PAK5: variants seen among roughly 807,000 people sequenced by gnomAD.
PAK5 encodes serine/threonine-protein kinase PAK 5.
A neutral mutation model predicts 65.9 loss-of-function variants in PAK5; 16 were observed. The observed-to-expected ratio is 0.24, with a 90% CI of 0.16 to 0.37. The LOEUF (loss-of-function observed/expected upper bound fraction) is 0.37. Among genes scored for constraint, PAK5 ranks in the 10% least tolerant of loss-of-function variants. The probability of loss-of-function intolerance (pLI) is 1.00; values close to 1 mark genes in which losing one functional copy is unlikely to be tolerated. For synonymous variants in PAK5, 371 were observed against 354.9 expected (o/e 1.05, Z -0.51); for missense variants, 785 against 903.9 (o/e 0.87, Z 1.69).
At chr20:9,701,161 C>T (rs967100463) in intron 2 of PAK5, among the ~76,000 whole-genome samples, 2 of 152,156 alleles carry the variant, frequency 1.3e-5, no homozygotes, top group Admixed American at 1.3e-4. Context: ...CAAAGTCATT[C>T]ACATTTCTCT....
intron 7 of PAK5, among the ~76,000 whole-genome samples, chr20:9,547,272 G>C (rs994411396): frequency 7.9e-5 from 12 of 152,078 alleles, no homozygotes; most frequent in Admixed American, 1.3e-4. Flanking sequence ...TCTTGATTTT[G>C]GACCTCTGGA....
intron 3 of PAK5, among the ~76,000 whole-genome samples, chr20:9,640,432 G>T (rs938910616): frequency 6.6e-6 from 1 of 152,008 alleles, no homozygotes; most frequent in Non-Finnish European, 1.5e-5. Context: ...TGGTATATAT[G>T]TGCAACATTT....
chr20:9,770,067 A>G (rs1394233578), intron 1 of PAK5, among the ~76,000 whole-genome samples: 2 of 152,160 alleles, frequency 1.3e-5, no homozygotes, highest in African/African-American at 2.4e-5. Context: ...TGGGGAAAAA[A>G]TAGAGCTTAT....
In PAK5 at chr20:9,803,034, T is replaced by C. The variant is rs913359930; in HGVS notation, c.-162+35728A>G. On this transcript the variant is annotated intron_variant, in intron 1 of 9. Coordinates refer to ENST00000353224, the MANE Select transcript of PAK5 (RefSeq NM_177990.4). ...GCTAAGTACAGAGCCACTAAGGTGCTGCACTAAAAATATTTCAAGTCAGAA... is the reference window on the plus strand; with the variant it reads ...GCTAAGTACAGAGCCACTAAGGTGCCGCACTAAAAATATTTCAAGTCAGAA... 6.7e-5 allele frequency among the ~76,000 whole-genome samples: 10 copies of C among 150,046 alleles called. No homozygotes were observed. The East Asian group carries it at 1.6e-3, about 23-fold the overall frequency.
Position 9,667,511 on chromosome 20 carries a change from AC to A in PAK5, c.-11-23173del, listed in dbSNP as rs1487853122. On this transcript the variant is annotated intron_variant, in intron 2 of 9. Transcript: ENST00000353224. ...CAGTCAACAGTCCCAGCTGAACCCA[AC>A]CCTTCATCTGTTCCCACCAAGGTCT... 2.6e-5 allele frequency among the ~76,000 whole-genome samples: 4 copies of A among 151,326 alleles called. 1 individual carries two copies. The highest frequency in any genetic ancestry group is 2.6e-4 in the Admixed American group (4 of 15,204).
At chr20:9,644,016 TA>T (rs1165404824) in intron 3 of PAK5, 108 bp downstream of exon 3, 25 of 769,100 alleles carry the variant, frequency 3.3e-5, no homozygotes, top group Non-Finnish European at 5.1e-5. Flanking sequence ...CTGTGAATGT[TA>T]AAAAATATGT....
At chr20:9,687,932 G>A (rs548798666) in intron 2 of PAK5, among the ~76,000 whole-genome samples, 1 of 151,962 alleles carries the variant, frequency 6.6e-6, no homozygotes, top group South Asian at 2.1e-4. Context: ...GTGCATCTGT[G>A]TGTATGTGTG....
chr20:9,690,750 CTT>C (rs112955560), intron 2 of PAK5, among the ~76,000 whole-genome samples: 13,153 of 103,496 alleles, frequency 0.13, 641 homozygotes, highest in African/African-American at 0.21. Flanking sequence ...TTCTTTCTTT[CTT>C]TTTTTTTTTT....
At chr20:9,547,958 G>T (rs1004283399) in intron 7 of PAK5, among the ~76,000 whole-genome samples, 1 of 152,160 alleles carries the variant, frequency 6.6e-6, no homozygotes, top group African/African-American at 2.4e-5. Flanking sequence ...GGATAAGGGG[G>T]CATTTGTTTG....
intron 1 of PAK5, among the ~76,000 whole-genome samples, chr20:9,779,062 G>A (rs1333696038): frequency 6.6e-6 from 1 of 151,914 alleles, no homozygotes; most frequent in Non-Finnish European, 1.5e-5. Flanking sequence ...TTCATGAAAT[G>A]AACAGTGCCT....
intron 1 of PAK5, among the ~76,000 whole-genome samples, chr20:9,728,276 CCA>C (rs1011211555): frequency 4.6e-5 from 7 of 152,026 alleles, no homozygotes; most frequent in African/African-American, 1.7e-4. Context: ...CTTGGATTTC[CCA>C]GACTCCAGAA....
At chr20:9,707,330 A>C (rs191870294) in intron 2 of PAK5, among the ~76,000 whole-genome samples, 1 of 152,098 alleles carries the variant, frequency 6.6e-6, no homozygotes, top group African/African-American at 2.4e-5. Flanking sequence ...GGCTGGTCTC[A>C]AACTCCTGGA....
chr20:9,735,650 A>G (rs1206162631), intron 1 of PAK5, among the ~76,000 whole-genome samples: 1 of 152,092 alleles, frequency 6.6e-6, no homozygotes, highest in African/African-American at 2.4e-5. Flanking sequence ...AAATAGAAAC[A>G]AAAACAACAA....
At chr20:9,761,490 A>C (rs1013373778) in intron 1 of PAK5, among the ~76,000 whole-genome samples, 2 of 152,204 alleles carry the variant, frequency 1.3e-5, no homozygotes, top group African/African-American at 4.8e-5. Flanking sequence ...ATTTTGCATC[A>C]AAATTCTATC....
chr20:9,584,104 A>G (rs2046028143), intron 3 of PAK5, among the ~76,000 whole-genome samples: 1 of 152,120 alleles, frequency 6.6e-6, no homozygotes, highest in South Asian at 2.1e-4. Context: ...CATGTATATA[A>G]CCTGGGACCT....
intron 3 of PAK5, among the ~76,000 whole-genome samples, chr20:9,589,413 T>C (rs1186901789): frequency 6.6e-6 from 1 of 152,230 alleles, no homozygotes; most frequent in East Asian, 1.9e-4. Flanking sequence ...TTTCAATAAA[T>C]ATTTTCACTC....
rs572209788 is a variant in PAK5 at position 9,599,459 on chromosome 20, T to C, written c.205-18529A>G. Among the ~76,000 whole-genome samples, 24 of 152,346 alleles carry C rather than the reference T, an allele frequency of 1.6e-4. No homozygotes were observed. In the South Asian group the frequency reaches 5.0e-3, roughly 32 times the overall value. ...TCCACAGCAGCTGCACCATTTGGTA[T>C]TCCCATCAGCACTGCATGAGGATGC... is the stretch of plus-strand genomic sequence containing the variant. On this transcript the variant is annotated intron_variant, in intron 3 of 9. Transcript: ENST00000353224.
chr20:9,701,677 A>T (rs2123463262), intron 2 of PAK5, among the ~76,000 whole-genome samples: 1 of 152,244 alleles, frequency 6.6e-6, no homozygotes, highest in South Asian at 2.1e-4. Context: ...CTAAAATGCA[A>T]ATATATCCTG....
intron 1 of PAK5, among the ~76,000 whole-genome samples, chr20:9,833,200 A>G (rs1205218647): frequency 6.6e-6 from 1 of 152,152 alleles, no homozygotes; most frequent in Non-Finnish European, 1.5e-5. Flanking sequence ...GCCAATTTCC[A>G]TGACGTTTTG....
Sources: allele counts gnomAD v4.1 joint callset (sites outside exome capture counted in the v4.1 genomes callset), GRCh38; gene constraint gnomAD v4.1.1; transcripts MANE v1.5; gene names NCBI Gene and HGNC (gene_info 2026-07-23, HGNC 2026-07-21).